The following DPYSL5 variants were observed in gnomAD, a reference collection of about 807,000 sequenced individuals.
DPYSL5 encodes the protein dihydropyrimidinase-related protein 5.
In DPYSL5, 9 loss-of-function variants were observed where a neutral mutation model predicts 58.4. That is an observed-to-expected ratio of 0.15 (90% CI 0.09 to 0.27). DPYSL5 has a LOEUF of 0.27. Among genes scored for constraint, DPYSL5 ranks in the 10% least tolerant of loss-of-function variants. The probability of loss-of-function intolerance (pLI) is 1.00; values close to 1 mark genes in which losing one functional copy is unlikely to be tolerated. For synonymous variants in DPYSL5, 293 were observed against 301.9 expected (o/e 0.97, Z 0.31); for missense variants, 499 against 770.6 (o/e 0.65, Z 4.17).
intron 1 of DPYSL5, among the ~76,000 whole-genome samples, chr2:26,876,239 G>A (rs1384779589): frequency 6.6e-6 from 1 of 152,158 alleles, no homozygotes; most frequent in Non-Finnish European, 1.5e-5. Flanking sequence ...GGGCCCTGGT[G>A]AACAGAATGG....
intron 1 of DPYSL5, among the ~76,000 whole-genome samples, chr2:26,858,971 T>G (rs1262030122): frequency 6.6e-6 from 1 of 152,238 alleles, no homozygotes; most frequent in Non-Finnish European, 1.5e-5. Flanking sequence ...AATGTAATTT[T>G]GGCTGATTCC....
rs571002681 is a variant in DPYSL5 at position 26,872,673 on chromosome 2, G to A, written c.-5+24419G>A. On this transcript the variant is annotated intron_variant, in intron 1 of 12. Transcript: ENST00000288699. The stretch of plus-strand genomic sequence containing the variant: ...CCACTGTACTCCAGCCTGGCAGAGC[G>A]TGACTCTGTCTCAAAAAAAAAAAAA... 1.0e-4 allele frequency among the ~76,000 whole-genome samples: 15 copies of A among 149,424 alleles called. 1 individual carries two copies. Among genetic ancestry groups the A allele is most frequent in the Admixed American group, 3.4e-4 (5 of 14,590 alleles).
Position 26,849,270 on chromosome 2 carries a change from G to C in DPYSL5, c.-5+1016G>C, listed in dbSNP as rs935777545. On this transcript the variant is annotated intron_variant, in intron 1 of 12. Coordinates refer to ENST00000288699, the MANE Select transcript of DPYSL5 (RefSeq NM_020134.4). The surrounding 1 kb of genome is among the most constrained non-coding windows in gnomAD (Gnocchi z 6.2). ...CGGGTGGAGGCCGCCTGGGTTTGAG[G>C]AGGGAGGACGGGAGCGAGGAGAAGA... Among the ~76,000 whole-genome samples, 1 of 151,982 alleles carries C rather than the reference G, an allele frequency of 6.6e-6. No homozygotes were observed. The highest frequency in any genetic ancestry group is 2.4e-5 in the African/African-American group (1 of 41,416).
chr2:26,852,346 T>C (rs1251174678), intron 1 of DPYSL5, among the ~76,000 whole-genome samples: 1 of 152,252 alleles, frequency 6.6e-6, no homozygotes, highest in African/African-American at 2.4e-5. Context: ...TGCTTTTTTT[T>C]ATGTGAAGAT....
chr2:26,856,322 T>C (rs1399503322), intron 1 of DPYSL5, among the ~76,000 whole-genome samples: 1 of 152,214 alleles, frequency 6.6e-6, no homozygotes, highest in African/African-American at 2.4e-5. Context: ...GTATTCTTCC[T>C]CCATATCCTG....
Position 26,940,103 on chromosome 2 carries a change from C to T in DPYSL5, c.1020C>T (p.Asp340=), listed in dbSNP as rs763785807. ...AGCAGAAAGCTATGGGCAAGGAAGA[C>T]TTCACCAAGATCCCACATGGAGTGA... is the stretch of plus-strand genomic sequence containing the variant. ...TTKQKAMGKE[D]FTKIPHGVSG... Residue 340 remains aspartate, a synonymous_variant, in exon 9 of 13, where the codon GAC becomes GAT. Transcript: ENST00000288699. 3.0e-5 allele frequency: 49 copies of T among 1,614,104 alleles called. No homozygotes were observed. The highest frequency in any genetic ancestry group is 4.0e-5 in the Non-Finnish European group (47 of 1,180,056).
intron 5 of DPYSL5, among the ~76,000 whole-genome samples, chr2:26,931,374 C>T (rs968393398): frequency 6.6e-6 from 1 of 151,446 alleles, no homozygotes; most frequent in African/African-American, 2.4e-5. Flanking sequence ...CAAGGAGAGA[C>T]ATGACCTTGG....
chr2:26,883,427 C>A (rs1368059685), intron 1 of DPYSL5, among the ~76,000 whole-genome samples: 1 of 152,230 alleles, frequency 6.6e-6, no homozygotes, highest in African/African-American at 2.4e-5. Context: ...GAGGCAGAGT[C>A]TCACTCTGTC....
rs775442159 is a variant in DPYSL5 at position 26,944,678 on chromosome 2, A to G, written c.1463A>G (p.Asp488Gly). The G allele has an allele frequency of 6.2e-7, 1 of 1,613,852 alleles. No individual in the cohort carries two copies. ...TAGACTTTAAAGGTTAGAGGAGTGG[A>G]CCGCACTCCCTACCTGGGGGATGTC... The part of the protein sequence containing the change: ...REKTLKVRGV[D>G]RTPYLGDVAV... Residue 488 changes from aspartate (D) to glycine (G), a missense_variant, in exon 12 of 13, where the codon GAC (aspartate) becomes GGC (glycine). Coordinates refer to ENST00000288699, the MANE Select transcript of DPYSL5 (RefSeq NM_020134.4). This position sits in a 1 kb window ranked among gnomAD's most constrained non-coding sequence, Gnocchi z 4.4.
intron 2 of DPYSL5, among the ~76,000 whole-genome samples, chr2:26,912,451 G>A (rs1664465678): frequency 6.6e-6 from 1 of 152,218 alleles, no homozygotes; most frequent in African/African-American, 2.4e-5. Context: ...GCATCCGTGG[G>A]TAGCCTGGAT....
At chr2:26,891,893 G>A (rs181666084) in intron 1 of DPYSL5, among the ~76,000 whole-genome samples, 24 of 152,134 alleles carry the variant, frequency 1.6e-4, no homozygotes, top group African/African-American at 4.1e-4. Context: ...AGCTGGTCTC[G>A]AACTCCTGAC....
At chr2:26,863,770 G>A (rs1448581862) in intron 1 of DPYSL5, among the ~76,000 whole-genome samples, 4 of 152,056 alleles carry the variant, frequency 2.6e-5, no homozygotes, top group African/African-American at 9.7e-5. Flanking sequence ...ACTAATCTAC[G>A]TATTGTCTCT....
chr2:26,872,884 T>A (rs562248453), intron 1 of DPYSL5, among the ~76,000 whole-genome samples: 1 of 152,290 alleles, frequency 6.6e-6, no homozygotes, highest in East Asian at 1.9e-4. Context: ...AAATATATAT[T>A]TATTTTCCTT....
rs576251692 is a variant in DPYSL5 at position 26,934,243 on chromosome 2, T to C, written c.791-335T>C. ...CTCTTTAGCGTGGCATTCGTGGCCC[T>C]GCATGCCTGTTCACCCACCGTCAAG... On this transcript the variant is annotated intron_variant, in intron 7 of 12. Coordinates refer to ENST00000288699, the MANE Select transcript of DPYSL5 (RefSeq NM_020134.4). The surrounding 1 kb of genome is among the most constrained non-coding windows in gnomAD (Gnocchi z 4.3). 1.3e-5 allele frequency among the ~76,000 whole-genome samples: 2 copies of C among 152,304 alleles called. No individual in the cohort carries two copies. The highest frequency in any genetic ancestry group is 2.9e-5 in the Non-Finnish European group (2 of 68,024).
Position 26,877,600 on chromosome 2 carries a change from C to A in DPYSL5, c.-4-20896C>A, listed in dbSNP as rs1204151608. 6.6e-6 allele frequency among the ~76,000 whole-genome samples: 1 copy of A among 152,176 alleles called. No individual in the cohort carries two copies. Among genetic ancestry groups the A allele is most frequent in the Non-Finnish European group, 1.5e-5 (1 of 68,038 alleles). ...CACTGTCATGCAGATACTCCCCTTTCCCCCTAAATAAGACACTGTCACACA... is the reference window on the plus strand; with the variant it reads ...CACTGTCATGCAGATACTCCCCTTTACCCCTAAATAAGACACTGTCACACA... On this transcript the variant is annotated intron_variant, in intron 1 of 12. Coordinates refer to ENST00000288699, the MANE Select transcript of DPYSL5 (RefSeq NM_020134.4). The surrounding 1 kb of genome is among the most constrained non-coding windows in gnomAD (Gnocchi z 4.1).
At chr2:26,884,296 A>C (rs906384775) in intron 1 of DPYSL5, among the ~76,000 whole-genome samples, 2 of 151,916 alleles carry the variant, frequency 1.3e-5, no homozygotes, top group Admixed American at 6.6e-5. Flanking sequence ...TTCTTCCAGG[A>C]CCTGCGGGAG....
chr2:26,918,808 T>C (rs959977598), intron 2 of DPYSL5, among the ~76,000 whole-genome samples: 1 of 152,232 alleles, frequency 6.6e-6, no homozygotes, highest in African/African-American at 2.4e-5. Flanking sequence ...CCATGCATAT[T>C]TTCGTATGAA....
In DPYSL5 at chr2:26,849,844, T is replaced by G. The variant is rs1417298283; in HGVS notation, c.-5+1590T>G. Among the ~76,000 whole-genome samples, 1 of 152,160 alleles carries G rather than the reference T, an allele frequency of 6.6e-6. No individual in the cohort carries two copies. Among genetic ancestry groups the G allele is most frequent in the Non-Finnish European group, 1.5e-5 (1 of 68,012 alleles). On this transcript the variant is annotated intron_variant, in intron 1 of 12. Transcript: ENST00000288699. This position sits in a 1 kb window ranked among gnomAD's most constrained non-coding sequence, Gnocchi z 6.2. ...CCGTGTGGGAGGCGCTCCCCCGGCC[T>G]GGGGGCCTGCAGACAGCCACCCCCC...
intron 1 of DPYSL5, among the ~76,000 whole-genome samples, chr2:26,872,855 C>T (rs1326761132): frequency 6.6e-6 from 1 of 152,126 alleles, no homozygotes; most frequent in African/African-American, 2.4e-5. Context: ...ATTTCCGTAC[C>T]TTCTGCAAAA....
Sources: allele counts gnomAD v4.1 joint callset (sites outside exome capture counted in the v4.1 genomes callset), GRCh38; gene constraint gnomAD v4.1.1; non-coding constraint Gnocchi (gnomAD v3.1); transcripts MANE v1.5; gene names NCBI Gene and HGNC (gene_info 2026-07-23, HGNC 2026-07-21).